The following APBB1IP variants were observed in gnomAD, a reference collection of about 807,000 sequenced individuals.
The protein encoded by APBB1IP is amyloid beta A4 precursor protein-binding family B member 1-interacting protein.
APBB1IP carries 27 observed loss-of-function variants against 64.9 expected under a neutral mutation model. The ratio of observed to expected loss-of-function variants is 0.42; its 90% confidence interval spans 0.31 to 0.57. The LOEUF (loss-of-function observed/expected upper bound fraction) is 0.57, where lower values mean the gene tolerates loss of function less well. APBB1IP is among the 20% of genes least tolerant of loss of function. APBB1IP has a pLI of 0.20. For synonymous variants in APBB1IP, 392 were observed against 331.0 expected, an observed-to-expected ratio of 1.18 and a Z score of -2.00; for missense variants, 812 against 845.5, an observed-to-expected ratio of 0.96 and a Z score of 0.49.
chr10:26,463,255 T>G (rs1360545960), intron 2 of APBB1IP, among the ~76,000 whole-genome samples: 1 of 152,050 alleles, frequency 6.6e-6, no homozygotes. Context: ...CTGGGCAAGA[T>G]AGTGAGATCC....
At chr10:26,477,698 G>A (rs907699860) in intron 2 of APBB1IP, among the ~76,000 whole-genome samples, 4 of 152,134 alleles carry the variant, frequency 2.6e-5, no homozygotes, top group Non-Finnish European at 5.9e-5. Context: ...ACACGGCCTC[G>A]ACTCCTGCCC....
At chr10:26,475,791 C>A (rs372862426) in intron 2 of APBB1IP, among the ~76,000 whole-genome samples, 6 of 152,180 alleles carry the variant, frequency 3.9e-5, no homozygotes, top group Admixed American at 6.5e-5. Flanking sequence ...TCTTTCCCTG[C>A]TACTGCTTTT....
At chr10:26,557,089 A>G (rs1181398707) in intron 11 of APBB1IP, among the ~76,000 whole-genome samples, 1 of 152,262 alleles carries the variant, frequency 6.6e-6, no homozygotes, top group Middle Eastern at 3.4e-3. Context: ...CCTTTTTGCT[A>G]TCGGGCCATA....
At chr10:26,529,723 C>T (rs1836524013) in intron 8 of APBB1IP, among the ~76,000 whole-genome samples, 1 of 152,158 alleles carries the variant, frequency 6.6e-6, no homozygotes, top group South Asian at 2.1e-4. Flanking sequence ...TCACTGTAAC[C>T]TCCACTTCCC....
At chr10:26,477,973 A>G (rs1835794213) in intron 2 of APBB1IP, among the ~76,000 whole-genome samples, 1 of 152,268 alleles carries the variant, frequency 6.6e-6, no homozygotes, top group Non-Finnish European at 1.5e-5. Flanking sequence ...TATTTAACAA[A>G]TAGTCACTCA....
chr10:26,501,392 G>A (rs975085369), intron 5 of APBB1IP: 10 of 535,800 alleles, frequency 1.9e-5, no homozygotes, highest in Non-Finnish European at 3.3e-5. Flanking sequence ...ATCTTTTGGG[G>A]GAAATGTTTT....
intron 11 of APBB1IP, among the ~76,000 whole-genome samples, chr10:26,545,642 C>T (rs1215679043): frequency 6.6e-6 from 1 of 152,066 alleles, no homozygotes; most frequent in African/African-American, 2.4e-5. Context: ...CGCCTGTAGT[C>T]CCAGCTACTC....
At chr10:26,495,213 G>T (rs1836006096) in intron 3 of APBB1IP, among the ~76,000 whole-genome samples, 1 of 151,402 alleles carries the variant, frequency 6.6e-6, no homozygotes, top group African/African-American at 2.4e-5. Flanking sequence ...TCACCATGTT[G>T]GCCCACATGG....
At chr10:26,510,254 CA>C (rs1836236012) in intron 6 of APBB1IP, among the ~76,000 whole-genome samples, 1 of 152,210 alleles carries the variant, frequency 6.6e-6, no homozygotes, top group Non-Finnish European at 1.5e-5. Context: ...AGGCGTGAGC[CA>C]CCATGCCCGG....
At chr10:26,501,820 C>G (rs1370263751) in intron 5 of APBB1IP, 1 of 152,300 alleles carries the variant, frequency 6.6e-6, no homozygotes, top group Non-Finnish European at 1.5e-5. Flanking sequence ...AATGGTCACA[C>G]TGTGTCATGA....
chr10:26,504,754 C>T (rs2132440344), intron 6 of APBB1IP, among the ~76,000 whole-genome samples: 1 of 151,882 alleles, frequency 6.6e-6, no homozygotes, highest in East Asian at 1.9e-4. Context: ...TAAATTAAGG[C>T]AAAGATGAAA....
chr10:26,442,661 T>C (rs1835349816), intron 2 of APBB1IP, among the ~76,000 whole-genome samples: 2 of 152,236 alleles, frequency 1.3e-5, no homozygotes, highest in African/African-American at 4.8e-5. Flanking sequence ...TTATGAAATG[T>C]TTCATATCTA....
intron 8 of APBB1IP, among the ~76,000 whole-genome samples, chr10:26,518,670 A>T (rs1469751504): frequency 1.3e-5 from 2 of 152,168 alleles, no homozygotes; most frequent in African/African-American, 4.8e-5. Flanking sequence ...GATGCCAGTG[A>T]TTGTAGCATC....
intron 8 of APBB1IP, among the ~76,000 whole-genome samples, chr10:26,515,432 T>C (rs1045234068): frequency 5.3e-5 from 8 of 152,156 alleles, no homozygotes; most frequent in African/African-American, 1.4e-4. Context: ...GCCGGGGAAA[T>C]GCACATTCAG....
chr10:26,554,696 C>T (rs1392922831), intron 11 of APBB1IP, among the ~76,000 whole-genome samples: 1 of 152,144 alleles, frequency 6.6e-6, no homozygotes, highest in Non-Finnish European at 1.5e-5. Context: ...ATCCTCCTGC[C>T]TCAGCCTCCC....
chr10:26,485,336 C>T (rs1187373571), intron 2 of APBB1IP, among the ~76,000 whole-genome samples: 1 of 152,134 alleles, frequency 6.6e-6, no homozygotes, highest in Non-Finnish European at 1.5e-5. Flanking sequence ...GTGTGTCACA[C>T]CAGGAGCCAT....
intron 13 of APBB1IP, chr10:26,562,070 C>T (rs1000449909): frequency 7.8e-6 from 3 of 384,634 alleles, no homozygotes; most frequent in Non-Finnish European, 1.5e-5. Flanking sequence ...CCGTACTCAC[C>T]TTCCTGATCT....
chr10:26,462,185 C>T (rs111457984), intron 2 of APBB1IP, among the ~76,000 whole-genome samples: 495 of 152,176 alleles, frequency 3.3e-3, no homozygotes, highest in Non-Finnish European at 5.4e-3. Flanking sequence ...CTGTCTTGTC[C>T]CTTATAAAAA....
chr10:26,560,424 T>C (rs1361111235), intron 12 of APBB1IP, among the ~76,000 whole-genome samples: 1 of 152,190 alleles, frequency 6.6e-6, no homozygotes, highest in Non-Finnish European at 1.5e-5. Flanking sequence ...ATTGCAAGCT[T>C]AGTGTGCAAT....
Sources: allele counts gnomAD v4.1 joint callset (sites outside exome capture counted in the v4.1 genomes callset), GRCh38; gene constraint gnomAD v4.1.1; transcripts MANE v1.5; gene names NCBI Gene and HGNC (gene_info 2026-07-23, HGNC 2026-07-21).